The following CNTN4 variants were observed in gnomAD, a reference collection of about 807,000 sequenced individuals.
The protein encoded by CNTN4 is contactin 4.
CNTN4 carries 77 observed loss-of-function variants against 122.5 expected under a neutral mutation model. The observed-to-expected ratio is 0.63, with a 90% CI of 0.52 to 0.76. The LOEUF (loss-of-function observed/expected upper bound fraction) is 0.76. Among genes scored for constraint, CNTN4 ranks in the 30% least tolerant of loss-of-function variants. The pLI is 0.00. For missense variants in CNTN4, 1,256 were observed against 1,259.1 expected (o/e 1.00, Z 0.04); for synonymous variants, 512 against 447.0 (o/e 1.15, Z -1.83).
intron 3 of CNTN4, among the ~76,000 whole-genome samples, chr3:2,384,944 C>G (rs772326949): frequency 6.6e-6 from 1 of 152,106 alleles, no homozygotes; most frequent in Non-Finnish European, 1.5e-5. Flanking sequence ...ATAGCCCCTT[C>G]TACAGTGGTT....
At chr3:2,797,338 C>T (rs2092218133) in intron 6 of CNTN4, among the ~76,000 whole-genome samples, 1 of 152,184 alleles carries the variant, frequency 6.6e-6, no homozygotes, top group Non-Finnish European at 1.5e-5. Context: ...GTGGCTTACG[C>T]CTGTAATCCC....
In CNTN4 at chr3:2,286,849, A is replaced by G. The variant is rs17011811; in HGVS notation, c.-144-52329A>G. ...AAACGTTTGAAGAAACCAGGGATAA[A>G]AAAAGCCGGAATGAGTTAAGATTCA... On this transcript the variant is annotated intron_variant, in intron 2 of 24. Coordinates refer to ENST00000418658, the MANE Select transcript of CNTN4 (RefSeq NM_175607.3). 8.1e-3 allele frequency among the ~76,000 whole-genome samples: 1,241 copies of G among 152,318 alleles called. 20 individuals carry two copies. The highest frequency in any genetic ancestry group is 0.028 in the African/African-American group (1,176 of 41,574).
Position 2,835,049 on chromosome 3 carries a change from C to A in CNTN4, c.454+15468C>A, listed in dbSNP as rs538085375. The stretch of plus-strand genomic sequence containing the variant: ...CCTTCCCAGTAGCTGGGACTACAGG[C>A]GCCCGCCACCACGCCCGGCTCATTT... On this transcript the variant is annotated intron_variant, in intron 7 of 24. Transcript: ENST00000418658. 7.1e-4 allele frequency among the ~76,000 whole-genome samples: 107 copies of A among 151,756 alleles called. 1 individual carries two copies. Among genetic ancestry groups the A allele is most frequent in the African/African-American group, 2.4e-3 (100 of 41,358 alleles).
At chr3:2,747,043 T>C (rs1487220605) in intron 6 of CNTN4, among the ~76,000 whole-genome samples, 1 of 152,016 alleles carries the variant, frequency 6.6e-6, no homozygotes, top group Non-Finnish European at 1.5e-5. Flanking sequence ...TTGTAATTCT[T>C]TGAATTTTGG....
At position 2,936,983 on chromosome 3, in the gene CNTN4, G is replaced by A. The variant is rs573463304; in HGVS notation, c.1358+11204G>A. ...GACTAAGTGGGACTGAGCCTACCCA[G>A]ATCAAAAAGCCTGAAATATTTACTC... On this transcript the variant is annotated intron_variant, in intron 13 of 24. Coordinates refer to ENST00000418658, the MANE Select transcript of CNTN4 (RefSeq NM_175607.3). Among the ~76,000 whole-genome samples the A allele has an allele frequency of 5.3e-5, 8 of 152,190 alleles. No homozygotes were observed. In the East Asian group the frequency reaches 1.4e-3, roughly 26 times the overall value.
At chr3:2,808,022 C>T (rs935690950) in intron 6 of CNTN4, among the ~76,000 whole-genome samples, 10 of 152,154 alleles carry the variant, frequency 6.6e-5, no homozygotes, top group African/African-American at 2.4e-4. Flanking sequence ...GTATCCACTA[C>T]CACTAAGTGC....
At chr3:2,701,859 T>C (rs1363801962) in intron 4 of CNTN4, among the ~76,000 whole-genome samples, 1 of 152,172 alleles carries the variant, frequency 6.6e-6, no homozygotes, top group East Asian at 1.9e-4. Context: ...ACAATTACTT[T>C]TGCACCAATG....
intron 23 of CNTN4, among the ~76,000 whole-genome samples, chr3:3,047,513 G>A (rs956485754): frequency 1.3e-5 from 2 of 148,280 alleles, no homozygotes; most frequent in African/African-American, 5.0e-5. Flanking sequence ...TGAACAACCC[G>A]CTCCTGAATG....
chr3:2,748,428 A>G (rs539222161), intron 6 of CNTN4, among the ~76,000 whole-genome samples: 8 of 152,146 alleles, frequency 5.3e-5, no homozygotes, highest in South Asian at 2.1e-4. Context: ...TTTTTTTTCA[A>G]TCAGACATAA....
intron 2 of CNTN4, among the ~76,000 whole-genome samples, chr3:2,234,507 A>T (rs2039610954): frequency 6.6e-6 from 1 of 151,990 alleles, no homozygotes; most frequent in Non-Finnish European, 1.5e-5. Flanking sequence ...TTTATTCCTG[A>T]CACTGGACCA....
At chr3:2,382,203 T>C (rs1337191183) in intron 3 of CNTN4, among the ~76,000 whole-genome samples, 1 of 151,134 alleles carries the variant, frequency 6.6e-6, no homozygotes, top group African/African-American at 2.4e-5. Context: ...GGAGTCTTGC[T>C]CTGTCACCCA....
At chr3:2,826,223 G>A (rs538903459) in intron 7 of CNTN4, among the ~76,000 whole-genome samples, 1 of 152,110 alleles carries the variant, frequency 6.6e-6, no homozygotes, top group African/African-American at 2.4e-5. Context: ...GCTCACCCCA[G>A]GTCAATTAAA....
intron 19 of CNTN4, chr3:3,039,627 GATCTTCA>G (rs2125753895): frequency 8.1e-6 from 2 of 245,774 alleles, no homozygotes; most frequent in African/African-American, 4.5e-5. Context: ...TGAGAGGGAG[GATCTTCA>G]GCCAAGATGG....
At chr3:2,481,778 A>T (rs542730400) in intron 3 of CNTN4, among the ~76,000 whole-genome samples, 1 of 152,146 alleles carries the variant, frequency 6.6e-6, no homozygotes, top group Non-Finnish European at 1.5e-5. Flanking sequence ...TTCTCAAAAG[A>T]TCTGATGGTT....
At chr3:2,298,201 A>T (rs1418844940) in intron 2 of CNTN4, among the ~76,000 whole-genome samples, 4 of 152,200 alleles carry the variant, frequency 2.6e-5, no homozygotes, top group Non-Finnish European at 5.9e-5. Flanking sequence ...TTTTATGTTT[A>T]AAAATAATTA....
At chr3:2,997,046 GA>G (rs1304891865) in intron 14 of CNTN4, among the ~76,000 whole-genome samples, 1 of 152,164 alleles carries the variant, frequency 6.6e-6, no homozygotes, top group Non-Finnish European at 1.5e-5. Context: ...CTGAAGGAAA[GA>G]AATGGTTTAT....
rs1397653993 is a variant in CNTN4, at chr3:2,709,571, A to G, written c.56-26644A>G. 6.6e-6 allele frequency among the ~76,000 whole-genome samples: 1 copy of G among 152,190 alleles called. No homozygotes were observed. Among genetic ancestry groups the G allele is most frequent in the Non-Finnish European group, 1.5e-5 (1 of 68,038 alleles). ...CCAGTCTCCTTTCCAATTCCATAAA[A>G]TGAACAATTTCACATATTGAAAAAT... On this transcript the variant is annotated intron_variant, in intron 4 of 24. Transcript: ENST00000418658. The surrounding 1 kb of genome is among the most constrained non-coding windows in gnomAD (Gnocchi z 5.0).
intron 7 of CNTN4, among the ~76,000 whole-genome samples, chr3:2,848,749 G>C (rs1490684234): frequency 1.3e-5 from 2 of 152,138 alleles, no homozygotes; most frequent in Non-Finnish European, 2.9e-5. Flanking sequence ...AGTAATTTTA[G>C]CAAAAGCTTC....
intron 3 of CNTN4, among the ~76,000 whole-genome samples, chr3:2,524,378 A>G (rs1227954885): frequency 1.3e-5 from 2 of 152,104 alleles, no homozygotes; most frequent in African/African-American, 4.8e-5. Flanking sequence ...TTATTTATCC[A>G]TTCTTTAGTT....
Sources: gnomAD v4.1 joint callset for allele counts (sites outside exome capture counted in the v4.1 genomes callset) on GRCh38, gnomAD v4.1.1 for gene constraint, Gnocchi (gnomAD v3.1) non-coding constraint, MANE v1.5 for transcripts, NCBI Gene and HGNC (gene_info 2026-07-23, HGNC 2026-07-21) for gene names.